UNC5D: variants seen among roughly 807,000 people sequenced by gnomAD.
UNC5D encodes unc-5 netrin receptor D, also known as netrin receptor UNC5D.
In UNC5D, 39 loss-of-function variants were observed where a neutral mutation model predicts 105.4. The observed-to-expected ratio is 0.37, with a 90% CI of 0.29 to 0.48. The LOEUF is 0.48. Ranked by LOEUF, UNC5D falls within the 20% of genes least tolerant of loss-of-function variation. The pLI, the probability that UNC5D is intolerant of heterozygous loss-of-function variation, is 0.98. For synonymous variants in UNC5D, 452 were observed against 450.4 expected (o/e 1.00, Z -0.04); for missense variants, 991 against 1,202.4 (o/e 0.82, Z 2.60).
chr8:35,672,452 A>G (rs1824873925), intron 4 of UNC5D, among the ~76,000 whole-genome samples: 1 of 152,208 alleles, frequency 6.6e-6, no homozygotes, highest in Non-Finnish European at 1.5e-5. Flanking sequence ...ACTATGTTTT[A>G]GAGCACTCTG....
At chr8:35,263,296 A>AT (rs1804614511) in intron 1 of UNC5D, among the ~76,000 whole-genome samples, 1 of 152,244 alleles carries the variant, frequency 6.6e-6, no homozygotes, top group South Asian at 2.1e-4. Context: ...TCAAATTACA[A>AT]TTAATAAATT....
chr8:35,605,652 C>T (rs1039300565), intron 4 of UNC5D, among the ~76,000 whole-genome samples: 2 of 152,220 alleles, frequency 1.3e-5, no homozygotes, highest in African/African-American at 4.8e-5. Context: ...GTGGAGCCTA[C>T]AGAGGCAGGC....
At chr8:35,591,689 T>C (rs1274871906) in intron 3 of UNC5D, among the ~76,000 whole-genome samples, 2 of 152,120 alleles carry the variant, frequency 1.3e-5, no homozygotes, top group African/African-American at 4.8e-5. Flanking sequence ...CTTACCTCAT[T>C]TACTCACCAG....
intron 4 of UNC5D, among the ~76,000 whole-genome samples, chr8:35,611,010 C>CAAAAA (rs11314770): frequency 4.7e-4 from 28 of 60,074 alleles, no homozygotes; most frequent in East Asian, 9.8e-4. Context: ...GACAAAGAAG[C>CAAAAA]AAAAAAAAAA....
chr8:35,441,797 A>T (rs780604098), intron 1 of UNC5D, among the ~76,000 whole-genome samples: 15 of 151,340 alleles, frequency 9.9e-5, no homozygotes, highest in Non-Finnish European at 2.1e-4. Context: ...GGAGGAACGA[A>T]GGAGAATCAG....
At chr8:35,708,006 T>C (rs904038870) in intron 8 of UNC5D, among the ~76,000 whole-genome samples, 1 of 152,206 alleles carries the variant, frequency 6.6e-6, no homozygotes, top group African/African-American at 2.4e-5. Context: ...GAGTGCATTA[T>C]AGAAATTCAG....
intron 1 of UNC5D, among the ~76,000 whole-genome samples, chr8:35,383,186 T>C (rs1332143121): frequency 1.3e-5 from 2 of 152,224 alleles, no homozygotes; most frequent in African/African-American, 4.8e-5. Context: ...TTAAATAGTT[T>C]GTCCAGCAGC....
intron 16 of UNC5D, among the ~76,000 whole-genome samples, chr8:35,775,586 T>A (rs1410189810): frequency 6.6e-6 from 1 of 151,834 alleles, no homozygotes; most frequent in African/African-American, 2.4e-5. Flanking sequence ...CCATTTTATT[T>A]CTCTTTCCTT....
intron 4 of UNC5D, among the ~76,000 whole-genome samples, chr8:35,679,265 A>G (rs1293820635): frequency 6.6e-6 from 1 of 152,160 alleles, no homozygotes; most frequent in African/African-American, 2.4e-5. Flanking sequence ...AAAAGGAAAA[A>G]AGACTAGCAA....
chr8:35,664,445 G>A (rs895167977), intron 4 of UNC5D, among the ~76,000 whole-genome samples: 5 of 152,172 alleles, frequency 3.3e-5, no homozygotes, highest in Admixed American at 3.3e-4. Flanking sequence ...GTGCAATCAC[G>A]GCTCACTGCA....
intron 1 of UNC5D, among the ~76,000 whole-genome samples, chr8:35,342,549 T>G (rs984085106): frequency 1.7e-4 from 26 of 152,192 alleles, no homozygotes; most frequent in African/African-American, 5.5e-4. Flanking sequence ...GGGACAGATG[T>G]CTGCTAGGCC....
At chr8:35,746,740 G>A (rs1370039164) in intron 11 of UNC5D, among the ~76,000 whole-genome samples, 2 of 152,162 alleles carry the variant, frequency 1.3e-5, no homozygotes, top group African/African-American at 4.8e-5. Flanking sequence ...TCAACAAGGA[G>A]GATGATTCTC....
chr8:35,291,497 T>C (rs1488004860), intron 1 of UNC5D, among the ~76,000 whole-genome samples: 2 of 152,168 alleles, frequency 1.3e-5, no homozygotes, highest in Non-Finnish European at 2.9e-5. Context: ...CATGGGCCTA[T>C]GGAGCTGATG....
intron 1 of UNC5D, among the ~76,000 whole-genome samples, chr8:35,380,863 C>G (rs923084635): frequency 1.3e-5 from 2 of 152,150 alleles, no homozygotes; most frequent in African/African-American, 4.8e-5. Context: ...GGAAATGAAG[C>G]CTTGAAGACA....
intron 1 of UNC5D, among the ~76,000 whole-genome samples, chr8:35,509,978 T>C (rs1297382847): frequency 6.6e-6 from 1 of 152,134 alleles, no homozygotes; most frequent in African/African-American, 2.4e-5. Context: ...CAGATGGCCA[T>C]GATATGGGGG....
At chr8:35,293,585 C>T (rs1807240679) in intron 1 of UNC5D, among the ~76,000 whole-genome samples, 1 of 152,138 alleles carries the variant, frequency 6.6e-6, no homozygotes, top group South Asian at 2.1e-4. Flanking sequence ...AAACCCTTTC[C>T]CCCAACCTTT....
chr8:35,305,726 T>C (rs2128874646), intron 1 of UNC5D, among the ~76,000 whole-genome samples: 1 of 149,964 alleles, frequency 6.7e-6, no homozygotes, highest in African/African-American at 2.4e-5. Flanking sequence ...TCTCTTTCTC[T>C]TTTCTCTTTC....
At chr8:35,519,740 A>T (rs1289120004) in intron 1 of UNC5D, among the ~76,000 whole-genome samples, 2 of 152,140 alleles carry the variant, frequency 1.3e-5, no homozygotes, top group African/African-American at 4.8e-5. Flanking sequence ...ATGCATTGAC[A>T]AAGGTGAACT....
chr8:35,650,625 G>C (rs1459814898), intron 4 of UNC5D, among the ~76,000 whole-genome samples: 1 of 151,994 alleles, frequency 6.6e-6, no homozygotes, highest in Non-Finnish European at 1.5e-5. Flanking sequence ...GTGCCACCAT[G>C]CCCAGCTAAT....
Sources: allele counts gnomAD v4.1 joint callset (sites outside exome capture counted in the v4.1 genomes callset), GRCh38; gene constraint gnomAD v4.1.1; transcripts MANE v1.5; gene names NCBI Gene and HGNC (gene_info 2026-07-23, HGNC 2026-07-21).